The following CREB5 variants were observed in gnomAD, a reference collection of about 807,000 sequenced individuals.
The protein encoded by CREB5 is cyclic AMP-responsive element-binding protein 5.
A neutral mutation model predicts 57.1 loss-of-function variants in CREB5; 19 were observed. The observed-to-expected ratio is 0.33, with a 90% CI of 0.23 to 0.49. The LOEUF is 0.49. CREB5 is among the 20% of genes least tolerant of loss of function. CREB5 has a pLI of 0.99. For missense variants in CREB5, 579 were observed against 671.6 expected (o/e 0.86, Z 1.52); for synonymous variants, 238 against 238.3 (o/e 1.00, Z 0.01).
At chr7:28,522,618 G>A (rs1197487642) in intron 4 of CREB5, among the ~76,000 whole-genome samples, 6 of 151,800 alleles carry the variant, frequency 4.0e-5, no homozygotes, top group Admixed American at 6.6e-5. Context: ...GGCTGGTCTC[G>A]AACTCCTGAC....
At position 28,432,724 on chromosome 7, in the gene CREB5, C is replaced by G. The variant is rs368614908; in HGVS notation, c.3+19807C>G. Among the ~76,000 whole-genome samples the G allele has an allele frequency of 3.0e-4, 45 of 152,252 alleles. 3 individuals are homozygous for G. Among genetic ancestry groups the G allele is most frequent in the East Asian group, 2.5e-3 (13 of 5,188 alleles). ...AATCGTGAAAAAATGATAGCTATATCTCAAGTTCAGGGATTCCCTCAACTT... is the reference window on the plus strand; with the variant it reads ...AATCGTGAAAAAATGATAGCTATATGTCAAGTTCAGGGATTCCCTCAACTT... On this transcript the variant is annotated intron_variant, in intron 1 of 10. Transcript: ENST00000357727.
At chr7:28,696,856 A>G (rs985779969) in intron 5 of CREB5, among the ~76,000 whole-genome samples, 7 of 152,138 alleles carry the variant, frequency 4.6e-5, no homozygotes, top group Admixed American at 3.3e-4. Context: ...ACACATACGT[A>G]TATGTGTGTA....
chr7:28,519,017 T>G (rs1398862926), intron 4 of CREB5, among the ~76,000 whole-genome samples: 1 of 152,220 alleles, frequency 6.6e-6, no homozygotes, highest in Non-Finnish European at 1.5e-5. Context: ...GGTTGTTAGA[T>G]TCATACATCA....
chr7:28,421,850 T>A (rs1182848308), intron 1 of CREB5, among the ~76,000 whole-genome samples: 3 of 25,056 alleles, frequency 1.2e-4, no homozygotes, highest in African/African-American at 7.7e-4. Flanking sequence ...ACACACACTC[T>A]CTCTCTCTAT....
chr7:28,739,032 C>T (rs1804192079), intron 7 of CREB5, among the ~76,000 whole-genome samples: 1 of 152,042 alleles, frequency 6.6e-6, no homozygotes, highest in African/African-American at 2.4e-5. Context: ...AAATAGAAAA[C>T]TAAGTATGTT....
chr7:28,749,645 T>C (rs983690313), intron 7 of CREB5: 4 of 152,246 alleles, frequency 2.6e-5, no homozygotes, highest in African/African-American at 9.6e-5. Context: ...CAAAAGGCTA[T>C]AGATGCTGGT....
chr7:28,308,355 G>A (rs1314993059), intron 1 of CREB5, among the ~76,000 whole-genome samples: 3 of 152,102 alleles, frequency 2.0e-5, no homozygotes, highest in East Asian at 3.9e-4. Context: ...TAGTGCTTTC[G>A]ACTAATACTA....
intron 7 of CREB5, among the ~76,000 whole-genome samples, chr7:28,775,600 T>G (rs1373200082): frequency 6.8e-6 from 1 of 147,902 alleles, no homozygotes; most frequent in Non-Finnish European, 1.5e-5. Context: ...ATAAATGGAT[T>G]TTTGTTTTGT....
At chr7:28,813,909 C>T (rs1327393563) in intron 9 of CREB5, among the ~76,000 whole-genome samples, 3 of 152,068 alleles carry the variant, frequency 2.0e-5, no homozygotes, top group Non-Finnish European at 4.4e-5. Context: ...TTGATTTCCA[C>T]CAGACAATCA....
intron 1 of CREB5, among the ~76,000 whole-genome samples, chr7:28,404,046 A>G (rs971553625): frequency 6.6e-6 from 1 of 152,236 alleles, no homozygotes; most frequent in Non-Finnish European, 1.5e-5. Context: ...CCGTACATAC[A>G]TATGTATTTT....
intron 3 of CREB5, among the ~76,000 whole-genome samples, 181 bp from the exon 4 acceptor site, chr7:28,507,435 C>T (rs898195977): frequency 2.0e-5 from 3 of 152,138 alleles, no homozygotes; most frequent in African/African-American, 7.2e-5. Context: ...TGTATTCCTG[C>T]TTCGGAATTT....
At chr7:28,364,437 T>C (rs1421260506) in intron 1 of CREB5, among the ~76,000 whole-genome samples, 1 of 152,174 alleles carries the variant, frequency 6.6e-6, no homozygotes, top group African/African-American at 2.4e-5. Context: ...ACGTTGAGTG[T>C]CAACAACATG....
intron 5 of CREB5, among the ~76,000 whole-genome samples, chr7:28,666,811 G>A (rs1046779644): frequency 1.1e-4 from 16 of 151,820 alleles, no homozygotes; most frequent in African/African-American, 3.6e-4. Flanking sequence ...AGCCAGGAGT[G>A]TGTCCCAGCT....
chr7:28,361,449 A>G (rs1035854466), intron 1 of CREB5, among the ~76,000 whole-genome samples: 2 of 152,194 alleles, frequency 1.3e-5, no homozygotes, highest in Non-Finnish European at 2.9e-5. Context: ...TCTCTAAGGA[A>G]GCAAAAGAGG....
At chr7:28,336,867 A>G (rs1210938590) in intron 1 of CREB5, among the ~76,000 whole-genome samples, 1 of 151,774 alleles carries the variant, frequency 6.6e-6, no homozygotes, top group Non-Finnish European at 1.5e-5. Context: ...CTTTTGCTGT[A>G]TCTGATAGGT....
intron 5 of CREB5, among the ~76,000 whole-genome samples, chr7:28,643,184 C>A (rs147230448): frequency 4.6e-5 from 7 of 152,044 alleles, no homozygotes; most frequent in African/African-American, 1.4e-4. Flanking sequence ...GCTCAATTTG[C>A]GTAACAATGT....
chr7:28,451,461 TGTGTGTGTGTG>T (rs1199841371), intron 1 of CREB5, among the ~76,000 whole-genome samples: 2 of 32,542 alleles, frequency 6.1e-5, no homozygotes. Context: ...TGTGTGTGTG[TGTGTGTGTGTG>T]TGTGTGTGTG....
chr7:28,710,865 A>T (rs56381057), intron 5 of CREB5, among the ~76,000 whole-genome samples: 12,427 of 152,218 alleles, frequency 0.082, 595 homozygotes, highest in Middle Eastern at 0.14. Context: ...TCATTGATTG[A>T]ATAGCGATAA....
At chr7:28,612,490 T>C (rs953358468) in intron 5 of CREB5, among the ~76,000 whole-genome samples, 3 of 151,536 alleles carry the variant, frequency 2.0e-5, no homozygotes, top group Non-Finnish European at 1.5e-5. Flanking sequence ...AATCCAATAA[T>C]GGTGAAATAA....
Sources: allele counts gnomAD v4.1 joint callset (sites outside exome capture counted in the v4.1 genomes callset), GRCh38; gene constraint gnomAD v4.1.1; transcripts MANE v1.5; gene names NCBI Gene and HGNC (gene_info 2026-07-23, HGNC 2026-07-21).